Variants in CEP128 observed in about 807,000 individuals in gnomAD.
CEP128 encodes the protein centrosomal protein 128kDa.
In CEP128, 132 loss-of-function variants were observed where a neutral mutation model predicts 156.7. The observed-to-expected ratio is 0.84, with a 90% CI of 0.73 to 0.97. The LOEUF is 0.97. CEP128 is among the 50% of genes least tolerant of loss of function. The pLI, the probability that CEP128 is intolerant of heterozygous loss-of-function variation, is 0.00. For missense variants in CEP128, 1,252 were observed against 1,281.9 expected, an observed-to-expected ratio of 0.98 and a Z score of 0.36; for synonymous variants, 469 against 448.9, an observed-to-expected ratio of 1.04 and a Z score of -0.57.
intron 16 of CEP128, among the ~76,000 whole-genome samples, chr14:80,768,277 C>T (rs774438520): frequency 5.3e-5 from 8 of 152,148 alleles, no homozygotes; most frequent in South Asian, 2.1e-4. Context: ...CAAGACAAGA[C>T]GATATCACAA....
At chr14:80,907,235 C>T (rs1883934983) in intron 4 of CEP128, among the ~76,000 whole-genome samples, 1 of 151,982 alleles carries the variant, frequency 6.6e-6, no homozygotes, top group Admixed American at 6.6e-5. Context: ...GTTAGAATTT[C>T]AGGAAGCTGC....
intron 9 of CEP128, among the ~76,000 whole-genome samples, chr14:80,862,445 T>G (rs536651173): frequency 1.3e-5 from 2 of 152,218 alleles, no homozygotes; most frequent in African/African-American, 2.4e-5. Context: ...AAACAGTATG[T>G]TAAGAGCTGT....
intron 19 of CEP128, among the ~76,000 whole-genome samples, chr14:80,686,480 G>A (rs914840823): frequency 6.6e-6 from 1 of 151,986 alleles, no homozygotes; most frequent in Non-Finnish European, 1.5e-5. Context: ...ACATACTGAA[G>A]TACACAGACC....
chr14:80,641,546 T>C (rs1333592615), intron 19 of CEP128, among the ~76,000 whole-genome samples: 1 of 152,230 alleles, frequency 6.6e-6, no homozygotes, highest in Non-Finnish European at 1.5e-5. Flanking sequence ...TCGGATACAG[T>C]GCCTGGTAGA....
chr14:80,645,735 C>G (rs923476449), intron 19 of CEP128, among the ~76,000 whole-genome samples: 3 of 152,110 alleles, frequency 2.0e-5, no homozygotes, highest in Non-Finnish European at 4.4e-5. Flanking sequence ...CCCAAATGAA[C>G]TGAACATTTA....
chr14:80,799,854 G>C (rs930822995), intron 13 of CEP128, among the ~76,000 whole-genome samples: 38 of 152,094 alleles, frequency 2.5e-4, no homozygotes, highest in African/African-American at 7.7e-4. Context: ...GACAATAAGT[G>C]CACCGCTGAA....
intron 19 of CEP128, among the ~76,000 whole-genome samples, chr14:80,599,113 T>G (rs987513033): frequency 6.6e-6 from 1 of 152,162 alleles, no homozygotes; most frequent in Non-Finnish European, 1.5e-5. Context: ...CATCACAAGT[T>G]TAATTTAAAA....
intron 9 of CEP128, among the ~76,000 whole-genome samples, chr14:80,845,570 T>C (rs925851254): frequency 2.0e-4 from 31 of 152,200 alleles, no homozygotes; most frequent in African/African-American, 7.2e-4. Flanking sequence ...TAGAAGATCA[T>C]AGATAATTAT....
chr14:80,583,419 CCTAA>C (rs796178497), intron 19 of CEP128, among the ~76,000 whole-genome samples: 12 of 152,098 alleles, frequency 7.9e-5, no homozygotes, highest in African/African-American at 2.9e-4. Context: ...GGTCAAGAGG[CCTAA>C]CTAACCTTTC....
intron 19 of CEP128, among the ~76,000 whole-genome samples, chr14:80,631,530 T>C (rs1034760298): frequency 3.9e-5 from 6 of 152,050 alleles, no homozygotes; most frequent in African/African-American, 1.4e-4. Context: ...TATTCAAAGA[T>C]AACACTACTA....
At chr14:80,489,707 A>G (rs1887258081), downstream of CEP128, among the ~76,000 whole-genome samples, 1 of 150,242 alleles carries the variant, frequency 6.7e-6, no homozygotes, top group Admixed American at 6.6e-5. Context: ...CCAGATAAGA[A>G]GCTGCTCTCT....
At chr14:80,888,529 C>T (rs998623639) in intron 8 of CEP128, among the ~76,000 whole-genome samples, 1 of 152,074 alleles carries the variant, frequency 6.6e-6, no homozygotes, top group Non-Finnish European at 1.5e-5. Flanking sequence ...ATGACAAAAA[C>T]CACATGATTA....
chr14:80,550,158 T>C (rs924725234), intron 21 of CEP128, among the ~76,000 whole-genome samples: 1 of 152,206 alleles, frequency 6.6e-6, no homozygotes, highest in Non-Finnish European at 1.5e-5. Context: ...TATACAGCTT[T>C]AGGTTAGGAT....
At chr14:80,774,389 G>T (rs143747078) in intron 16 of CEP128, among the ~76,000 whole-genome samples, 1 of 152,116 alleles carries the variant, frequency 6.6e-6, no homozygotes, top group African/African-American at 2.4e-5. Context: ...ATTAGAAAGC[G>T]TCCACCCCTT....
rs1274703937 is a variant in CEP128 at position 80,678,064 on chromosome 14, G to GTA, written c.2806+65009_2806+65010dup. Reference sequence around the variant, plus strand: ...ATAAAAAAAAAATATATATATATATGTATATATATATATGCTCAAGGAAAC... The same window carrying GTA: ...ATAAAAAAAAAATATATATATATATGTATATATATATATATGCTCAAGGAAAC... On this transcript the variant is annotated intron_variant, in intron 19 of 24. Coordinates refer to ENST00000555265, the MANE Select transcript of CEP128 (RefSeq NM_152446.5). 3.4e-3 allele frequency among the ~76,000 whole-genome samples: 92 copies of GTA among 27,450 alleles called. 3 individuals carry two copies. Among genetic ancestry groups the GTA allele is most frequent in the African/African-American group, 6.1e-3 (65 of 10,664 alleles). The allele number at this position is 27,450 out of a possible 152,430, so 18.0% of individuals were successfully genotyped here.
chr14:80,786,903 T>G (rs1882372387), intron 14 of CEP128, among the ~76,000 whole-genome samples: 1 of 151,198 alleles, frequency 6.6e-6, no homozygotes, highest in Admixed American at 6.6e-5. Flanking sequence ...GGCTCAGGAG[T>G]TCAAGACCAG....
intron 19 of CEP128, among the ~76,000 whole-genome samples, chr14:80,738,796 G>C (rs1898663436): frequency 6.6e-6 from 1 of 152,148 alleles, no homozygotes; most frequent in African/African-American, 2.4e-5. Context: ...TATAGGGATT[G>C]GTACTACCTG....
Position 80,582,520 on chromosome 14 carries a change from C to G in CEP128, c.2807-2097G>C, listed in dbSNP as rs73328649. On this transcript the variant is annotated intron_variant, in intron 19 of 24. Coordinates refer to ENST00000555265, the MANE Select transcript of CEP128 (RefSeq NM_152446.5). ...CCTCTAAACTTTATGTCATTCCACT[C>G]AAGATGAAACTTCATAAAGAGAACA... Among the ~76,000 whole-genome samples the G allele has an allele frequency of 3.9e-5, 6 of 152,042 alleles. No homozygotes were observed. In the East Asian group the frequency reaches 1.2e-3, roughly 30 times the overall value.
intron 19 of CEP128, among the ~76,000 whole-genome samples, chr14:80,650,688 G>A (rs1045250730): frequency 6.6e-6 from 1 of 152,118 alleles, no homozygotes; most frequent in African/African-American, 2.4e-5. Context: ...TGTGGATTTT[G>A]TCATTGGTTC....
Sources: allele counts gnomAD v4.1 joint callset (sites outside exome capture counted in the v4.1 genomes callset), GRCh38; gene constraint gnomAD v4.1.1; transcripts MANE v1.5; gene names NCBI Gene and HGNC (gene_info 2026-07-23, HGNC 2026-07-21).